Variants in RAB11FIP1 observed in about 807,000 individuals in gnomAD.
RAB11FIP1 encodes rab11 family-interacting protein 1.
RAB11FIP1 carries 49 observed loss-of-function variants against 83.1 expected under a neutral mutation model. The observed-to-expected ratio is 0.59, with a 90% CI of 0.47 to 0.75. RAB11FIP1 has a LOEUF of 0.75. Among genes scored for constraint, RAB11FIP1 ranks in the 30% least tolerant of loss-of-function variants. The probability of loss-of-function intolerance (pLI) is 0.00; values close to 1 mark genes in which losing one functional copy is unlikely to be tolerated. For synonymous variants in RAB11FIP1, 670 were observed against 656.0 expected, an observed-to-expected ratio of 1.02 and a Z score of -0.33; for missense variants, 1,536 against 1,598.7, an observed-to-expected ratio of 0.96 and a Z score of 0.67.
chr8:37,864,284 C>T (rs1806300350), intron 5 of RAB11FIP1, among the ~76,000 whole-genome samples: 1 of 152,196 alleles, frequency 6.6e-6, no homozygotes. Flanking sequence ...GCAGCTTGAA[C>T]CAGGAGGAGA....
chr8:37,867,489 G>A (rs375269056), intron 5 of RAB11FIP1, among the ~76,000 whole-genome samples: 4 of 152,150 alleles, frequency 2.6e-5, no homozygotes, highest in East Asian at 3.9e-4. Flanking sequence ...TGGATCACCT[G>A]AGGTCAGGAG....
chr8:37,866,091 T>C (rs1806335935), intron 5 of RAB11FIP1, among the ~76,000 whole-genome samples: 1 of 151,932 alleles, frequency 6.6e-6, no homozygotes, highest in Admixed American at 6.6e-5. Flanking sequence ...ATCCCAGCAC[T>C]TTGGGAGGCT....
At chr8:37,893,276 T>C (rs1340705064) in intron 1 of RAB11FIP1, among the ~76,000 whole-genome samples, 5 of 151,740 alleles carry the variant, frequency 3.3e-5, no homozygotes, top group Non-Finnish European at 5.9e-5. Context: ...GATTTCACCA[T>C]GTTGGCCAGG....
In RAB11FIP1 at chr8:37,874,710, G is replaced by T. The variant is rs978254090; in HGVS notation, c.1427C>A (p.Ala476Glu). ...CACAAGGTCTTCAGCAGGCCCCGAT[G>T]CGTCCTCCCCCGGCTTAACCCCCAT... ...MLMGVKPGED[A>E]SGPAEDLVRR... is the part of the protein sequence containing the mutation. The change falls in exon 3 of 6, where the codon GCA (alanine) becomes GAA (glutamate). Residue 476 changes from alanine (A) to glutamate (E), a missense_variant. By Grantham distance (107) the Ala-to-Glu change is moderately radical (BLOSUM62 -1). Transcript: ENST00000330843. The T allele has an allele frequency of 6.2e-7, 1 of 1,613,998 alleles. No homozygotes were observed. Among genetic ancestry groups the T allele is most frequent in the East Asian group, 2.2e-5 (1 of 44,886 alleles).
At chr8:37,897,921 A>C (rs1176409183) in intron 1 of RAB11FIP1, among the ~76,000 whole-genome samples, 1 of 152,118 alleles carries the variant, frequency 6.6e-6, no homozygotes, top group African/African-American at 2.4e-5. Context: ...CCCAACCTCC[A>C]CCCACCCCGC....
At position 37,898,651 on chromosome 8, in the gene RAB11FIP1, CAAA is replaced by C. The variant is rs746280491; in HGVS notation, c.371+417_371+419del. Among the ~76,000 whole-genome samples, 809 of 91,478 alleles carry C rather than the reference CAAA, an allele frequency of 8.8e-3. 11 individuals carry two copies. Among genetic ancestry groups the C allele is most frequent in the African/African-American group, 0.032 (770 of 23,808 alleles). 60.0% of individuals were successfully genotyped at this position (91,478 alleles called of 152,430 possible). A position where few individuals can be genotyped will look rare whatever the true frequency, so the allele number is the denominator to read the frequency against. The stretch of plus-strand genomic sequence containing the variant: ...CTGGCGACAGAGTGAGACTCAGTCT[CAAA>C]AAAAAAAAAAAAAAAATTAGCCGGG... On this transcript the variant is annotated intron_variant, in intron 1 of 5. Coordinates refer to ENST00000330843, the MANE Select transcript of RAB11FIP1 (RefSeq NM_001002814.3).
In RAB11FIP1 at chr8:37,884,226, G is replaced by A. The variant is rs930719560; in HGVS notation, c.372-6675C>T. Reference sequence around the variant, plus strand: ...AGTACAGGCGCACACCACTGCATCCGGCTAATTTTTGTATTTTTACTAGAG... The same window carrying A: ...AGTACAGGCGCACACCACTGCATCCAGCTAATTTTTGTATTTTTACTAGAG... On this transcript the variant is annotated intron_variant, in intron 1 of 5. Coordinates refer to ENST00000330843, the MANE Select transcript of RAB11FIP1 (RefSeq NM_001002814.3). Among the ~76,000 whole-genome samples the A allele has an allele frequency of 7.3e-5, 11 of 151,616 alleles. No individual in the cohort carries two copies. The East Asian group carries it at 9.7e-4, about 13-fold the overall frequency.
chr8:37,870,744 T>C, intron 4 of RAB11FIP1: 1 of 487,200 alleles, frequency 2.1e-6, no homozygotes, highest in East Asian at 3.3e-5. Flanking sequence ...AGCATGTCCT[T>C]GTCCAGATGT....
At chr8:37,867,183 TTGCTGTCCCTTTA>T (rs772321980) in intron 5 of RAB11FIP1, among the ~76,000 whole-genome samples, 1 of 152,228 alleles carries the variant, frequency 6.6e-6, no homozygotes, top group Non-Finnish European at 1.5e-5. Context: ...CCAATTTTCA[TTGCTGTCCCTTTA>T]TGCTGTCCTT....
rs1021015239 is a variant in RAB11FIP1, at chr8:37,860,903, T to G, written c.*1992A>C. 6.6e-6 allele frequency: 1 copy of G among 152,668 alleles called. No individual in the cohort carries two copies. Among genetic ancestry groups the G allele is most frequent in the African/African-American group, 2.4e-5 (1 of 41,468 alleles). The allele number at this position is 152,668 out of a possible 1,614,324, so 9.5% of individuals were successfully genotyped here. A position where few individuals can be genotyped will look rare whatever the true frequency, so the allele number is the denominator to read the frequency against. Reference sequence around the variant, plus strand: ...CAGCAAACGAAATCCTGGAAAGAGATTGCACTGCCAATGATTTTGTCTCTT... The same window carrying G: ...CAGCAAACGAAATCCTGGAAAGAGAGTGCACTGCCAATGATTTTGTCTCTT... On this transcript the variant is annotated 3_prime_UTR_variant, in exon 6 of 6. Transcript: ENST00000330843.
At chr8:37,876,921 G>A (rs1008829739) in intron 2 of RAB11FIP1, among the ~76,000 whole-genome samples, 188 bp downstream of exon 2, 4 of 152,150 alleles carry the variant, frequency 2.6e-5, no homozygotes, top group Non-Finnish European at 4.4e-5. Flanking sequence ...GATTACAGGC[G>A]TGAGCCACCA....
intron 1 of RAB11FIP1, among the ~76,000 whole-genome samples, chr8:37,885,759 C>G (rs551754734): frequency 6.6e-6 from 1 of 152,326 alleles, no homozygotes; most frequent in African/African-American, 2.4e-5. Flanking sequence ...TGCCTGCATC[C>G]ATACTGTGAA....
intron 1 of RAB11FIP1, among the ~76,000 whole-genome samples, chr8:37,895,881 GAC>G (rs374289320): frequency 1.5e-4 from 22 of 149,732 alleles, no homozygotes; most frequent in Admixed American, 2.7e-4. Context: ...CAGACAGAGA[GAC>G]ACACACACAC....
intron 1 of RAB11FIP1, among the ~76,000 whole-genome samples, chr8:37,896,752 A>G (rs539210894): frequency 1.8e-4 from 28 of 152,332 alleles, no homozygotes; most frequent in African/African-American, 5.1e-4. Flanking sequence ...ACCCAGAAAC[A>G]TCTTACAAAC....
In RAB11FIP1 at chr8:37,863,132, AGTTGGG is replaced by A; in HGVS notation, c.3634-25_3634-20del. 1.3e-6 allele frequency: 2 copies of A among 1,598,506 alleles called. No homozygotes were observed. Among genetic ancestry groups the A allele is most frequent in the Non-Finnish European group, 1.7e-6 (2 of 1,168,818 alleles). On this transcript the variant is annotated intron_variant, in intron 5 of 5. Transcript: ENST00000330843. Reference sequence around the variant, plus strand: ...TGTATTTCTTTGGAGGGGGGGAAATAGTTGGGAAAAAGGAGTTATAAAATTAGCACA... The same window carrying A: ...TGTATTTCTTTGGAGGGGGGGAAATAAAAAAGGAGTTATAAAATTAGCACA...
intron 1 of RAB11FIP1, among the ~76,000 whole-genome samples, chr8:37,894,890 C>T (rs1585450566): frequency 6.7e-6 from 1 of 150,256 alleles, no homozygotes; most frequent in Admixed American, 6.7e-5. Flanking sequence ...GCTGCGATTA[C>T]AGGCACCCAG....
rs536882451 is a variant in RAB11FIP1, at chr8:37,881,023, G to C, written c.372-3472C>G. On this transcript the variant is annotated intron_variant, in intron 1 of 5. Coordinates refer to ENST00000330843, the MANE Select transcript of RAB11FIP1 (RefSeq NM_001002814.3). ...TGGCTGGTGGCTCGCTCACAGGGCA[G>C]ATCCCTGCCCCCACTGCTACGGCTC... is the stretch of plus-strand genomic sequence containing the variant. Among the ~76,000 whole-genome samples, 10 of 152,296 alleles carry C rather than the reference G, an allele frequency of 6.6e-5. No homozygotes were observed. In the East Asian group the frequency reaches 1.9e-3, roughly 29 times the overall value.
At chr8:37,894,383 T>C (rs534022152) in intron 1 of RAB11FIP1, among the ~76,000 whole-genome samples, 5 of 152,282 alleles carry the variant, frequency 3.3e-5, no homozygotes, top group East Asian at 3.9e-4. Context: ...TGGCAACTTA[T>C]TTCAGCATCT....
intron 5 of RAB11FIP1, among the ~76,000 whole-genome samples, chr8:37,866,105 G>A (rs1176934733): frequency 6.6e-6 from 1 of 152,190 alleles, no homozygotes; most frequent in Non-Finnish European, 1.5e-5. Flanking sequence ...GGAGGCTGAA[G>A]TGGGCGGATC....
Sources: allele counts gnomAD v4.1 joint callset (sites outside exome capture counted in the v4.1 genomes callset), GRCh38; gene constraint gnomAD v4.1.1; transcripts MANE v1.5; gene names NCBI Gene and HGNC (gene_info 2026-07-23, HGNC 2026-07-21).